LINC00237: variants seen among roughly 807,000 people sequenced by gnomAD.
LINC00237 encodes the protein long independently transcribed non-coding RNA 237, also known as long intergenic non-protein coding RNA 237.
chr20:21,095,850 A>C (rs1691584408), intron 1 of LINC00237, among the ~76,000 whole-genome samples: 1 of 152,212 alleles, frequency 6.6e-6, no homozygotes, highest in African/African-American at 2.4e-5. Flanking sequence ...CTTATGCAAC[A>C]GGCCAGAAGT....
chr20:21,087,675 T>C (rs567808890), intron 3 of LINC00237: 2 of 152,332 alleles, frequency 1.3e-5, no homozygotes, highest in South Asian at 4.1e-4. Context: ...TCCCCCAGTC[T>C]CTAGTAAAGC....
intron 1 of LINC00237, among the ~76,000 whole-genome samples, chr20:21,103,171 A>G (rs548317105): frequency 1.3e-5 from 2 of 152,386 alleles, no homozygotes; most frequent in African/African-American, 4.8e-5. Flanking sequence ...CAACGCTGCA[A>G]GCAATGTGGC....
chr20:21,086,851 C>T (rs1388655129), intron 3 of LINC00237, among the ~76,000 whole-genome samples: 2 of 125,198 alleles, frequency 1.6e-5, no homozygotes, highest in African/African-American at 3.0e-5. Flanking sequence ...GTATAGTATA[C>T]ACTATATATG....
intron 2 of LINC00237, chr20:21,088,147 CCCTTCCTCCT>C (rs1187598513): frequency 6.6e-6 from 1 of 152,238 alleles, no homozygotes; most frequent in African/African-American, 2.4e-5. Flanking sequence ...TTTTGCCTTT[CCCTTCCTCCT>C]CCTTCCTCCT....
At chr20:21,091,913 GTCTT>G (rs1454870667) in intron 2 of LINC00237, among the ~76,000 whole-genome samples, 1 of 152,116 alleles carries the variant, frequency 6.6e-6, no homozygotes, top group African/African-American at 2.4e-5. Flanking sequence ...TTTGGTATTT[GTCTT>G]TCTTTAATTT....
chr20:21,095,059 T>A (rs1170653884), intron 1 of LINC00237, among the ~76,000 whole-genome samples: 5 of 152,012 alleles, frequency 3.3e-5, no homozygotes, highest in Non-Finnish European at 7.4e-5. Flanking sequence ...CAAAAATAAA[T>A]AAATAAGTAA....
intron 2 of LINC00237, among the ~76,000 whole-genome samples, chr20:21,088,796 C>A (rs1164402713): frequency 6.6e-6 from 1 of 151,976 alleles, no homozygotes; most frequent in Non-Finnish European, 1.5e-5. Context: ...TAAAATAGAT[C>A]TTTGAGCCAT....
intron 2 of LINC00237, chr20:21,092,683 C>T (rs913327134): frequency 6.6e-6 from 1 of 152,124 alleles, no homozygotes; most frequent in East Asian, 1.9e-4. Context: ...GATTTCTTCC[C>T]GATCTTTAGG....
chr20:21,089,323 A>G (rs533814918), intron 2 of LINC00237, among the ~76,000 whole-genome samples: 22 of 152,008 alleles, frequency 1.4e-4, no homozygotes, highest in Admixed American at 8.5e-4. Context: ...GGTTTCTCTC[A>G]AGTTGTGCTG....
intron 3 of LINC00237, among the ~76,000 whole-genome samples, chr20:21,087,036 T>C (rs1038198015): frequency 1.4e-5 from 2 of 145,874 alleles, no homozygotes; most frequent in African/African-American, 5.0e-5. Flanking sequence ...ATATAGTATA[T>C]AGAGTACATA....
rs1459418688 is a variant in LINC00237 at position 21,101,613 on chromosome 20, C to G, written n.88+4658G>C. Reference sequence around the variant, plus strand: ...GGAGTAGCCACGCTAGCGGCTAGGCCGTTCCACCGGGTAGCTCCGCCCTTC... The same window carrying G: ...GGAGTAGCCACGCTAGCGGCTAGGCGGTTCCACCGGGTAGCTCCGCCCTTC... On this transcript the variant is annotated intron_variant and non_coding_transcript_variant, in intron 1 of 3. Transcript: ENST00000691244. This position sits in a 1 kb window ranked among gnomAD's most constrained non-coding sequence, Gnocchi z 4.3. The G allele has an allele frequency of 6.6e-6, 1 of 152,370 alleles. No individual in the cohort carries two copies. The highest frequency in any genetic ancestry group is 1.5e-5 in the Non-Finnish European group (1 of 68,154). The allele number at this position is 152,370 out of a possible 1,614,324, so 9.4% of individuals were successfully genotyped here.
chr20:21,098,335 C>T (rs1004775532), intron 1 of LINC00237, among the ~76,000 whole-genome samples: 1 of 152,144 alleles, frequency 6.6e-6, no homozygotes, highest in Non-Finnish European at 1.5e-5. Flanking sequence ...TAAAAGCCTG[C>T]ATGGCCCAGC....
chr20:21,091,689 C>T (rs1453819998), intron 2 of LINC00237, among the ~76,000 whole-genome samples: 1 of 152,176 alleles, frequency 6.6e-6, no homozygotes, highest in African/African-American at 2.4e-5. Flanking sequence ...ATTTACATTT[C>T]CTGTTGCCAT....
At chr20:21,097,160 G>C (rs886905415) in intron 1 of LINC00237, among the ~76,000 whole-genome samples, 1 of 152,110 alleles carries the variant, frequency 6.6e-6, no homozygotes, top group South Asian at 2.1e-4. Flanking sequence ...TCCACAGGCC[G>C]ACAAAGCTGT....
At chr20:21,086,368 G>A (rs754525341) in intron 3 of LINC00237, among the ~76,000 whole-genome samples, 4 of 151,626 alleles carry the variant, frequency 2.6e-5, no homozygotes, top group Non-Finnish European at 5.9e-5. Flanking sequence ...AAGGAACTTC[G>A]TTTGATATTC....
At chr20:21,088,255 T>C (rs1371569243) in intron 2 of LINC00237, among the ~76,000 whole-genome samples, 2 of 152,184 alleles carry the variant, frequency 1.3e-5, no homozygotes, top group African/African-American at 4.8e-5. Context: ...GGGACATTGA[T>C]AGCATCATGG....
At position 21,105,629 on chromosome 20, in the gene LINC00237, C is replaced by A. The variant is rs6047250; in HGVS notation, n.88+642G>T. On this transcript the variant is annotated intron_variant and non_coding_transcript_variant, in intron 1 of 3. Transcript: ENST00000691244. Reference sequence around the variant, plus strand: ...GAAGGAGTGGCCACGCCTGAGCCCCCCTAAACGACCTCTTCAGGAGAAAAG... The same window carrying A: ...GAAGGAGTGGCCACGCCTGAGCCCCACTAAACGACCTCTTCAGGAGAAAAG... Among the ~76,000 whole-genome samples the A allele has an allele frequency of 2.9e-3, 438 of 152,328 alleles. 1 individual carries two copies. Among genetic ancestry groups the A allele is most frequent in the African/African-American group, 0.01 (418 of 41,574 alleles).
rs1005830720 is a variant in LINC00237, at chr20:21,101,506, C to G, written n.88+4765G>C. 2 of 152,300 alleles carry G rather than the reference C, an allele frequency of 1.3e-5. No homozygotes were observed. Among genetic ancestry groups the G allele is most frequent in the Non-Finnish European group, 1.5e-5 (1 of 68,114 alleles). 9.4% of individuals were successfully genotyped at this position (152,300 alleles called of 1,614,324 possible). A position where few individuals can be genotyped will look rare whatever the true frequency, so the allele number is the denominator to read the frequency against. On this transcript the variant is annotated intron_variant and non_coding_transcript_variant, in intron 1 of 3. Coordinates refer to ENST00000691244, the Ensembl canonical transcript of LINC00237. This position sits in a 1 kb window ranked among gnomAD's most constrained non-coding sequence, Gnocchi z 4.3. ...AGGCGCGTGCGGGGGAAAGGCCCAC[C>G]CACGCTGTCCCTGGAGTCCCCTCCA...
intron 1 of LINC00237, among the ~76,000 whole-genome samples, chr20:21,105,941 C>G (rs552146434): frequency 1.4e-3 from 212 of 152,320 alleles, no homozygotes; most frequent in Non-Finnish European, 2.2e-3. Flanking sequence ...GCGGGGAAAC[C>G]CCACAAAGTC....
Sources: allele counts gnomAD v4.1 joint callset (sites outside exome capture counted in the v4.1 genomes callset), GRCh38; gene constraint gnomAD v4.1.1; non-coding constraint Gnocchi (gnomAD v3.1); transcripts MANE v1.5; gene names NCBI Gene and HGNC (gene_info 2026-07-23, HGNC 2026-07-21).